The following SMURF2 variants were observed in gnomAD, a reference collection of about 807,000 sequenced individuals.
SMURF2 encodes the protein E3 ubiquitin-protein ligase SMURF2.
Under a neutral mutation model 109.6 loss-of-function variants are expected in SMURF2, and 48 were observed. The observed-to-expected ratio is 0.44, with a 90% confidence interval of 0.35 to 0.56. SMURF2 has a LOEUF of 0.56. Ranked by LOEUF, SMURF2 falls within the 20% of genes least tolerant of loss-of-function variation. The pLI, the probability that SMURF2 is intolerant of heterozygous loss-of-function variation, is 0.01. For missense variants in SMURF2, 575 were observed against 909.0 expected, an observed-to-expected ratio of 0.63 and a Z score of 4.72; for synonymous variants, 288 against 317.1, an observed-to-expected ratio of 0.91 and a Z score of 0.97.
chr17:64,604,166 C>T (rs1187603787), intron 2 of SMURF2, among the ~76,000 whole-genome samples: 1 of 152,122 alleles, frequency 6.6e-6, no homozygotes, highest in African/African-American at 2.4e-5. Context: ...CGACCTTGGC[C>T]AGTGTGAACC....
chr17:64,652,819 A>G (rs181147916), intron 1 of SMURF2, among the ~76,000 whole-genome samples: 17 of 152,294 alleles, frequency 1.1e-4, no homozygotes, highest in Non-Finnish European at 1.5e-5. Context: ...AATTCAATGG[A>G]GGAAACAAAA....
At chr17:64,616,642 G>A (rs531493288) in intron 1 of SMURF2, among the ~76,000 whole-genome samples, 70 of 146,476 alleles carry the variant, frequency 4.8e-4, no homozygotes, top group Middle Eastern at 6.9e-3. Context: ...ACGACAGTGC[G>A]AGACTCTGTC....
intron 11 of SMURF2, among the ~76,000 whole-genome samples, chr17:64,562,092 A>C (rs1555684555): frequency 6.6e-6 from 1 of 151,898 alleles, no homozygotes; most frequent in Non-Finnish European, 1.5e-5. Flanking sequence ...CAAGAGATCG[A>C]GACCATCCTG....
At chr17:64,620,191 G>A (rs561858796) in intron 1 of SMURF2, among the ~76,000 whole-genome samples, 57 of 152,146 alleles carry the variant, frequency 3.7e-4, no homozygotes, top group African/African-American at 1.3e-3. Context: ...ACATACCTCT[G>A]CTTATCTCCA....
intron 1 of SMURF2, among the ~76,000 whole-genome samples, chr17:64,607,071 C>CTTT (rs60276383): frequency 7.4e-6 from 1 of 134,826 alleles, no homozygotes; most frequent in Non-Finnish European, 1.6e-5. Context: ...AGTTTTTTTT[C>CTTT]TTTTTTTTTT....
chr17:64,546,182 A>G, intron 18 of SMURF2, 81 bp downstream of exon 18: 1 of 1,347,454 alleles, frequency 7.4e-7, no homozygotes, highest in Non-Finnish European at 1.1e-6. Context: ...ACTAGTAAGT[A>G]CAATAAATAA....
chr17:64,598,427 G>C lies in SMURF2; in HGVS notation c.155C>G (p.Thr52Ser). ...DGSGQCHSTD[T>S]VKNTLDPKWN... The stretch of plus-strand genomic sequence containing the variant: ...CTTTGGATCAAGCGTATTCTTCACA[G>C]TATCTGTAGAATGGCATTGCCCAGA... The change falls in exon 3 of 19, where the codon ACT (threonine) becomes AGT (serine). Residue 52 changes from threonine to serine, a missense_variant. By Grantham distance (58) the Thr-to-Ser change is moderately conservative (BLOSUM62 1). Transcript: ENST00000262435. The C allele has an allele frequency of 6.2e-7, 1 of 1,610,086 alleles. No homozygotes were observed. Among genetic ancestry groups the C allele is most frequent in the East Asian group, 2.2e-5 (1 of 44,758 alleles).
chr17:64,658,667 A>G (rs1970735236), intron 1 of SMURF2, among the ~76,000 whole-genome samples: 1 of 152,214 alleles, frequency 6.6e-6, no homozygotes, highest in African/African-American at 2.4e-5. Context: ...AAGAATTTAA[A>G]ATATTAGAAA....
chr17:64,576,453 CA>C (rs1969492288), intron 9 of SMURF2, among the ~76,000 whole-genome samples: 2 of 151,924 alleles, frequency 1.3e-5, no homozygotes, highest in African/African-American at 4.9e-5. Flanking sequence ...CACCTGAGGT[CA>C]GGTGCTCAAG....
intron 7 of SMURF2, among the ~76,000 whole-genome samples, chr17:64,582,182 A>G (rs572860317): frequency 2.0e-5 from 3 of 152,292 alleles, no homozygotes; most frequent in Admixed American, 6.5e-5. Context: ...ACTTGGCAAC[A>G]TGAGCTAAGC....
chr17:64,633,330 T>C (rs1014878972), intron 1 of SMURF2, among the ~76,000 whole-genome samples: 28 of 152,298 alleles, frequency 1.8e-4, no homozygotes, highest in Admixed American at 1.0e-3. Context: ...ATCCAGGTAC[T>C]GGGAGTCAAT....
chr17:64,596,110 A>G (rs1270741082), intron 3 of SMURF2, among the ~76,000 whole-genome samples: 6 of 152,060 alleles, frequency 3.9e-5, no homozygotes, highest in Admixed American at 3.9e-4. Context: ...GTATATATAC[A>G]TATATGTGTA....
chr17:64,640,720 A>G (rs1228467696), intron 1 of SMURF2, among the ~76,000 whole-genome samples: 2 of 152,152 alleles, frequency 1.3e-5, no homozygotes, highest in Non-Finnish European at 2.9e-5. Context: ...GGAGACCAAG[A>G]CCATCCTGGC....
At chr17:64,588,345 A>G (rs1171739199) in intron 5 of SMURF2, among the ~76,000 whole-genome samples, 1 of 152,052 alleles carries the variant, frequency 6.6e-6, no homozygotes, top group Non-Finnish European at 1.5e-5. Context: ...TCTTTTCTAA[A>G]AAAGAATACA....
At position 64,542,567 on chromosome 17, in the gene SMURF2, T is replaced by G. The variant is rs1176482131; in HGVS notation, c.*3281A>C. On this transcript the variant is annotated 3_prime_UTR_variant, in exon 19 of 19. Transcript: ENST00000262435. ...ATCTAGAAATAAAACAACTCAGCAT[T>G]TGGAACAATCATCCTAACATGTTAA... 1.3e-5 allele frequency: 2 copies of G among 152,056 alleles called. No homozygotes were observed. The highest frequency in any genetic ancestry group is 2.9e-5 in the Non-Finnish European group (2 of 68,028). The allele number at this position is 152,056 out of a possible 1,614,324, so 9.4% of individuals were successfully genotyped here. A position where few individuals can be genotyped will look rare whatever the true frequency, so the allele number is the denominator to read the frequency against.
intron 5 of SMURF2, among the ~76,000 whole-genome samples, 194 bp downstream of exon 5, chr17:64,590,888 CTT>C (rs11455884): frequency 6.8e-6 from 1 of 147,280 alleles, no homozygotes. Flanking sequence ...CTTCACAAAA[CTT>C]TTTTTTTTTT....
chr17:64,578,664 G>A, intron 8 of SMURF2, 88 bp from the exon 9 acceptor site: 9 of 766,640 alleles, frequency 1.2e-5, no homozygotes, highest in Middle Eastern at 3.0e-4. Flanking sequence ...ATACTAATAG[G>A]GAAAAATCTC....
Position 64,598,445 on chromosome 17 carries a change from T to G in SMURF2, c.137A>C (p.Gln46Pro). ...FAKVVVDGSG[Q>P]CHSTDTVKNT... Reference sequence around the variant, plus strand: ...CTTCACAGTATCTGTAGAATGGCATTGCCCAGATCCATCAACCACCACCTT... The same window carrying G: ...CTTCACAGTATCTGTAGAATGGCATGGCCCAGATCCATCAACCACCACCTT... Residue 46 changes from glutamine to proline, a missense_variant, in exon 3 of 19, where the codon CAA becomes CCA. Gln to Pro is a moderately conservative substitution (Grantham distance 76). Around this residue, in one of 5 missense-constraint regions of SMURF2, gnomAD observed 33 missense variants for 66.0 expected, o/e 0.50. Coordinates refer to ENST00000262435, the MANE Select transcript of SMURF2 (RefSeq NM_022739.4). The G allele has an allele frequency of 6.2e-7, 1 of 1,610,148 alleles. No individual in the cohort carries two copies. Among genetic ancestry groups the G allele is most frequent in the Non-Finnish European group, 8.5e-7 (1 of 1,179,042 alleles).
intron 2 of SMURF2, among the ~76,000 whole-genome samples, chr17:64,602,761 T>C (rs1248391297): frequency 6.6e-6 from 1 of 152,110 alleles, no homozygotes; most frequent in Non-Finnish European, 1.5e-5. Context: ...ACCACATCTC[T>C]ACTAAAAATA....
Sources: allele counts gnomAD v4.1 joint callset (sites outside exome capture counted in the v4.1 genomes callset), GRCh38; gene constraint gnomAD v4.1.1; regional missense constraint gnomAD v4.1.1; transcripts MANE v1.5; gene names NCBI Gene and HGNC (gene_info 2026-07-23, HGNC 2026-07-21).